CFAP157: variants seen among roughly 807,000 people sequenced by gnomAD.
CFAP157 encodes cilia and flagella associated protein 157, also known as cilia- and flagella-associated protein 157.
CFAP157 carries 43 observed loss-of-function variants against 57.8 expected under a neutral mutation model. That is an observed-to-expected ratio of 0.74 (90% CI 0.58 to 0.96). The LOEUF is 0.96. CFAP157 is among the 40% of genes least tolerant of loss of function. The pLI is 0.00. For missense variants in CFAP157, 606 were observed against 655.3 expected (o/e 0.92, Z 0.82); for synonymous variants, 267 against 269.0 (o/e 0.99, Z 0.07).
At position 127,714,167 on chromosome 9, in the gene CFAP157, T is replaced by C; in HGVS notation, c.*262T>C. On this transcript the variant is annotated 3_prime_UTR_variant, in exon 9 of 9. Coordinates refer to ENST00000373295, the MANE Select transcript of CFAP157 (RefSeq NM_001012502.3). ...GTCCAAGATCAGGTCGGTGGCTCGA[T>C]CCAGCAACAGAGGCAGCAGCTCCTG... is the stretch of plus-strand genomic sequence containing the variant. 1.2e-6 allele frequency: 2 copies of C among 1,613,894 alleles called. No homozygotes were observed. Among genetic ancestry groups the C allele is most frequent in the East Asian group, 2.2e-5 (1 of 44,870 alleles).
chr9:127,711,597 G>C, intron 4 of CFAP157, 101 bp downstream of exon 4: 1 of 1,445,584 alleles, frequency 6.9e-7, no homozygotes, highest in Admixed American at 2.1e-5. Flanking sequence ...AGTCAGGAGG[G>C]AGGGAGGCAG....
chr9:127,711,459 A>C lies in CFAP157; in HGVS notation c.818A>C (p.Gln273Pro). ...CAGCTGGAGCTGCTGGAGAACACCC[A>C]GAAGGTCATGGCCAGGCACAAAAGA... ...CKQLELLENT[Q>P]KVMARHKRGH... Residue 273 changes from glutamine (Q) to proline (P), a missense_variant, in exon 4 of 9, where the codon CAG becomes CCG. Coordinates refer to ENST00000373295, the MANE Select transcript of CFAP157 (RefSeq NM_001012502.3). 3.1e-6 allele frequency: 5 copies of C among 1,613,990 alleles called. No individual in the cohort carries two copies. Among genetic ancestry groups the C allele is most frequent in the Non-Finnish European group, 3.4e-6 (4 of 1,180,028 alleles).
chr9:127,714,091 C>A lies in CFAP157; in HGVS notation c.*186C>A. 6.2e-7 allele frequency: 1 copy of A among 1,610,838 alleles called. No homozygotes were observed. The highest frequency in any genetic ancestry group is 8.5e-7 in the Non-Finnish European group (1 of 1,178,828). Reference sequence around the variant, plus strand: ...ACTACAGTCAGGCAGGCAGCCATGGCCACTAGTGTCACGGCCCCAGTGAGG... The same window carrying A: ...ACTACAGTCAGGCAGGCAGCCATGGACACTAGTGTCACGGCCCCAGTGAGG... On this transcript the variant is annotated 3_prime_UTR_variant, in exon 9 of 9. Coordinates refer to ENST00000373295, the MANE Select transcript of CFAP157 (RefSeq NM_001012502.3).
Position 127,707,143 on chromosome 9 carries a change from AAGG to A in CFAP157, c.115_117del (p.Glu39del), listed in dbSNP as rs1441548507. On this transcript the variant is annotated inframe_deletion, in exon 1 of 9. Transcript: ENST00000373295. ...GGAGCCGCCTCTGGCCAAGGAGATG[AAGG>A]AGTTCTACCACATCCAGATCCGAGA... is the stretch of plus-strand genomic sequence containing the variant. 4 of 1,613,546 alleles carry A rather than the reference AAGG, an allele frequency of 2.5e-6. No individual in the cohort carries two copies. The highest frequency in any genetic ancestry group is 1.1e-5 in the South Asian group (1 of 91,074).
Position 127,709,766 on chromosome 9 carries a change from G to A in CFAP157, c.433+73G>A. The A allele has an allele frequency of 1.4e-6, 2 of 1,470,286 alleles. No individual in the cohort carries two copies. Among genetic ancestry groups the A allele is most frequent in the Non-Finnish European group, 1.9e-6 (2 of 1,078,700 alleles). The allele number at this position is 1,470,286 out of a possible 1,614,324, so 91.1% of individuals were successfully genotyped here. A position where few individuals can be genotyped will look rare whatever the true frequency, so the allele number is the denominator to read the frequency against. Reference sequence around the variant, plus strand: ...TATCACTGACCCTGTTTCTCACCTGGGAAACAGGGATAATAGCCACATGCT... The same window carrying A: ...TATCACTGACCCTGTTTCTCACCTGAGAAACAGGGATAATAGCCACATGCT... On this transcript the variant is annotated intron_variant, in intron 2 of 8. Coordinates refer to ENST00000373295, the MANE Select transcript of CFAP157 (RefSeq NM_001012502.3). The surrounding 1 kb of genome is among the most constrained non-coding windows in gnomAD (Gnocchi z 4.7).
rs1447645115 is a variant in CFAP157 at position 127,715,807 on chromosome 9, C to T, written c.*1902C>T. ...GCGAGGCGGTGGCCGAGTCCGGGAA[C>T]CCAGGCGCCTTCAGTAGCGCGGCGT... On this transcript the variant is annotated 3_prime_UTR_variant, in exon 9 of 9. Transcript: ENST00000373295. The surrounding 1 kb of genome is among the most constrained non-coding windows in gnomAD (Gnocchi z 5.8). 1.5e-6 allele frequency: 2 copies of T among 1,347,942 alleles called. No homozygotes were observed. Among genetic ancestry groups the T allele is most frequent in the African/African-American group, 3.0e-5 (2 of 67,598 alleles). The allele number at this position is 1,347,942 out of a possible 1,614,324, so 83.5% of individuals were successfully genotyped here. A position where few individuals can be genotyped will look rare whatever the true frequency, so the allele number is the denominator to read the frequency against.
intron 1 of CFAP157, among the ~76,000 whole-genome samples, chr9:127,707,947 T>C (rs1410949753): frequency 1.3e-5 from 2 of 152,138 alleles, no homozygotes; most frequent in East Asian, 1.9e-4. Context: ...CATGGGCTGG[T>C]GCTCACTGAG....
At chr9:127,713,584 G>A (rs1842821646) in intron 8 of CFAP157, 2 of 342,786 alleles carry the variant, frequency 5.8e-6, no homozygotes, top group South Asian at 2.7e-5. Flanking sequence ...TCAGCTCACA[G>A]CAACCTCCGC....
chr9:127,715,123 C>T lies in CFAP157; in HGVS notation c.*1218C>T. On this transcript the variant is annotated 3_prime_UTR_variant, in exon 9 of 9. Coordinates refer to ENST00000373295, the MANE Select transcript of CFAP157 (RefSeq NM_001012502.3). This position sits in a 1 kb window ranked among gnomAD's most constrained non-coding sequence, Gnocchi z 5.8. ...TCTCCGCCACACCCAGCCGCCGCGC[C>T]AGCTGCCCCAGCACCGCCATGCCCA... The T allele has an allele frequency of 6.5e-7, 1 of 1,535,558 alleles. No individual in the cohort carries two copies. The highest frequency in any genetic ancestry group is 8.7e-7 in the Non-Finnish European group (1 of 1,146,598).
At chr9:127,710,353 C>A (rs1052928095) in intron 2 of CFAP157, among the ~76,000 whole-genome samples, 8 of 151,354 alleles carry the variant, frequency 5.3e-5, no homozygotes, top group Non-Finnish European at 8.8e-5. Flanking sequence ...AGGAAGGCTT[C>A]TTGGAGGAGG....
chr9:127,714,941 G>GGCCCCCCCCCCCCCC lies in CFAP157; in HGVS notation c.*1036_*1037insGCCCCCCCCCCCCCC. 2 of 446,376 alleles carry GGCCCCCCCCCCCCCC rather than the reference G, an allele frequency of 4.5e-6. No homozygotes were observed. Among genetic ancestry groups the GGCCCCCCCCCCCCCC allele is most frequent in the South Asian group, 2.1e-5 (1 of 47,490 alleles). 27.7% of individuals were successfully genotyped at this position (446,376 alleles called of 1,614,324 possible). ...CCGCGCCCCAACCCCCACCCCCTTG[G>GGCCCCCCCCCCCCCC]CCCGCCCGCCCACCCCTGGCGCTCT... On this transcript the variant is annotated 3_prime_UTR_variant, in exon 9 of 9. Transcript: ENST00000373295.
In CFAP157 at chr9:127,715,612, C is replaced by T. The variant is rs745929570; in HGVS notation, c.*1707C>T. 1 of 1,612,916 alleles carries T rather than the reference C, an allele frequency of 6.2e-7. No individual in the cohort carries two copies. The highest frequency in any genetic ancestry group is 1.7e-5 in the Admixed American group (1 of 60,008). Reference sequence around the variant, plus strand: ...CTCATGGCTCTACTCAGCCGCTGTCCGGCGCCCAAAAAGCCGCCCGGCCTC... The same window carrying T: ...CTCATGGCTCTACTCAGCCGCTGTCTGGCGCCCAAAAAGCCGCCCGGCCTC... On this transcript the variant is annotated 3_prime_UTR_variant, in exon 9 of 9. Coordinates refer to ENST00000373295, the MANE Select transcript of CFAP157 (RefSeq NM_001012502.3). The surrounding 1 kb of genome is among the most constrained non-coding windows in gnomAD (Gnocchi z 5.8).
In CFAP157 at chr9:127,715,822, T is replaced by C; in HGVS notation, c.*1917T>C. The C allele has an allele frequency of 8.3e-7, 1 of 1,199,370 alleles. No individual in the cohort carries two copies. Among genetic ancestry groups the C allele is most frequent in the Non-Finnish European group, 1.2e-6 (1 of 863,244 alleles). The allele number at this position is 1,199,370 out of a possible 1,614,324, so 74.3% of individuals were successfully genotyped here. A position where few individuals can be genotyped will look rare whatever the true frequency, so the allele number is the denominator to read the frequency against. ...AGTCCGGGAACCCAGGCGCCTTCAGTAGCGCGGCGTCACAGTGTCCCTTCG... is the reference window on the plus strand; with the variant it reads ...AGTCCGGGAACCCAGGCGCCTTCAGCAGCGCGGCGTCACAGTGTCCCTTCG... On this transcript the variant is annotated 3_prime_UTR_variant, in exon 9 of 9. Transcript: ENST00000373295. The surrounding 1 kb of genome is among the most constrained non-coding windows in gnomAD (Gnocchi z 5.8).
Position 127,709,320 on chromosome 9 carries a change from G to T in CFAP157, c.162-102G>T. 1 of 1,241,574 alleles carries T rather than the reference G, an allele frequency of 8.1e-7. No individual in the cohort carries two copies. Among genetic ancestry groups the T allele is most frequent in the South Asian group, 1.5e-5 (1 of 66,190 alleles). 76.9% of individuals were successfully genotyped at this position (1,241,574 alleles called of 1,614,324 possible). Reference sequence around the variant, plus strand: ...ATTCTGATCACAAGGAAACTCAAATGCCCCTTTACGGGACAGGGAGTCCAG... The same window carrying T: ...ATTCTGATCACAAGGAAACTCAAATTCCCCTTTACGGGACAGGGAGTCCAG... On this transcript the variant is annotated intron_variant, in intron 1 of 8. Transcript: ENST00000373295. This position sits in a 1 kb window ranked among gnomAD's most constrained non-coding sequence, Gnocchi z 4.7.
At position 127,715,600 on chromosome 9, in the gene CFAP157, T is replaced by C; in HGVS notation, c.*1695T>C. On this transcript the variant is annotated 3_prime_UTR_variant, in exon 9 of 9. Transcript: ENST00000373295. This position sits in a 1 kb window ranked among gnomAD's most constrained non-coding sequence, Gnocchi z 5.8. ...AAAACACATCGGCTCATGGCTCTAC[T>C]CAGCCGCTGTCCGGCGCCCAAAAAG... The C allele has an allele frequency of 6.2e-7, 1 of 1,612,926 alleles. No individual in the cohort carries two copies. The highest frequency in any genetic ancestry group is 1.1e-5 in the South Asian group (1 of 90,960).
Position 127,713,751 on chromosome 9 carries a change from C to A in CFAP157, c.1492-83C>A. 5.1e-6 allele frequency: 6 copies of A among 1,169,888 alleles called. No homozygotes were observed. In the South Asian group the frequency reaches 7.4e-5, roughly 14 times the overall value. The allele number at this position is 1,169,888 out of a possible 1,614,324, so 72.5% of individuals were successfully genotyped here. A position where few individuals can be genotyped will look rare whatever the true frequency, so the allele number is the denominator to read the frequency against. ...CGAACTCCTGACGTCAAGCAATCCC[C>A]CAGCCTCGGCCTCCCAAAGTGCTGG... On this transcript the variant is annotated intron_variant, in intron 8 of 8. Coordinates refer to ENST00000373295, the MANE Select transcript of CFAP157 (RefSeq NM_001012502.3).
In CFAP157 at chr9:127,714,530, G is replaced by T; in HGVS notation, c.*625G>T. On this transcript the variant is annotated 3_prime_UTR_variant, in exon 9 of 9. Transcript: ENST00000373295. ...GCAGCCCATTTCCTGTGGAGACTGG[G>T]TCAGCAGCCCTACTCCACCCCAACT... is the stretch of plus-strand genomic sequence containing the variant. 2 of 1,591,194 alleles carry T rather than the reference G, an allele frequency of 1.3e-6. No individual in the cohort carries two copies. The highest frequency in any genetic ancestry group is 1.7e-6 in the Non-Finnish European group (2 of 1,159,586).
At chr9:127,711,195 G>T (rs771099725) in intron 3 of CFAP157, 34 bp from the exon 4 acceptor site, 1 of 1,606,344 alleles carries the variant, frequency 6.2e-7, no homozygotes, top group Non-Finnish European at 8.5e-7. Flanking sequence ...TGCCCGCTCT[G>T]TCTGACCCCT....
chr9:127,712,362 G>T lies in CFAP157; in HGVS notation c.1137+13G>T. The T allele has an allele frequency of 6.2e-7, 1 of 1,613,270 alleles. No homozygotes were observed. Among genetic ancestry groups the T allele is most frequent in the Non-Finnish European group, 8.5e-7 (1 of 1,179,686 alleles). On this transcript the variant is annotated intron_variant, in intron 6 of 8. Transcript: ENST00000373295. ...GAACATTCTGCAGGTGAGCAGAAGG[G>T]AGAGAGGGAGGGCGCAAGGGGAGGG...
Sources: allele counts gnomAD v4.1 joint callset (sites outside exome capture counted in the v4.1 genomes callset), GRCh38; gene constraint gnomAD v4.1.1; non-coding constraint Gnocchi (gnomAD v3.1); transcripts MANE v1.5; gene names NCBI Gene and HGNC (gene_info 2026-07-23, HGNC 2026-07-21).